SYNPR: variants seen among roughly 807,000 people sequenced by gnomAD.
SYNPR encodes the protein synaptoporin.
A neutral mutation model predicts 32.9 loss-of-function variants in SYNPR; 23 were observed. The ratio of observed to expected loss-of-function variants is 0.70; its 90% confidence interval spans 0.50 to 0.99. The LOEUF (loss-of-function observed/expected upper bound fraction) is 0.99, where lower values mean the gene tolerates loss of function less well. SYNPR is among the 50% of genes least tolerant of loss of function. The pLI, the probability that SYNPR is intolerant of heterozygous loss-of-function variation, is 0.00. For synonymous variants in SYNPR, 146 were observed against 135.9 expected (o/e 1.07, Z -0.52); for missense variants, 318 against 349.3 (o/e 0.91, Z 0.71).
upstream of SYNPR, among the ~76,000 whole-genome samples, chr3:63,227,156 G>A (rs759499530): frequency 1.3e-5 from 2 of 152,178 alleles, no homozygotes; most frequent in African/African-American, 4.8e-5. Context: ...TCCACTTTTG[G>A]GAGGGGCTAG....
intron 4 of SYNPR, among the ~76,000 whole-genome samples, chr3:63,566,972 T>C (rs755507470): frequency 2.0e-5 from 3 of 152,196 alleles, no homozygotes; most frequent in Non-Finnish European, 4.4e-5. Flanking sequence ...CACAAGTGGA[T>C]GGGTACACAC....
intron 2 of SYNPR, among the ~76,000 whole-genome samples, chr3:63,264,232 T>C (rs2086462260): frequency 6.6e-6 from 1 of 151,910 alleles, no homozygotes; most frequent in Non-Finnish European, 1.5e-5. Flanking sequence ...TTGAGAAAAA[T>C]ATAGGTAAAG....
chr3:63,445,382 C>G (rs1249342342), intron 2 of SYNPR, among the ~76,000 whole-genome samples: 1 of 152,100 alleles, frequency 6.6e-6, no homozygotes, highest in Non-Finnish European at 1.5e-5. Flanking sequence ...GAGTTAGAGC[C>G]AATGTGCACA....
chr3:63,514,836 T>C (rs1029891319), intron 3 of SYNPR, among the ~76,000 whole-genome samples: 1 of 152,104 alleles, frequency 6.6e-6, no homozygotes, highest in Admixed American at 6.6e-5. Flanking sequence ...GAGGTACTTG[T>C]TTTCTCGGCG....
chr3:63,428,708 G>A (rs747292821), intron 2 of SYNPR, among the ~76,000 whole-genome samples: 2 of 152,174 alleles, frequency 1.3e-5, no homozygotes, highest in Non-Finnish European at 1.5e-5. Flanking sequence ...GCTATTGGCT[G>A]GAACAACGGG....
chr3:63,311,750 T>C (rs2086966160), intron 2 of SYNPR, among the ~76,000 whole-genome samples: 1 of 152,054 alleles, frequency 6.6e-6, no homozygotes, highest in African/African-American at 2.4e-5. Flanking sequence ...ATATGAATAC[T>C]TAGAAGTATT....
At chr3:63,361,595 C>A (rs2087662004) in intron 2 of SYNPR, among the ~76,000 whole-genome samples, 1 of 114,968 alleles carries the variant, frequency 8.7e-6, no homozygotes, top group Admixed American at 9.5e-5. Flanking sequence ...GAGACTCTGT[C>A]TCCAAAAAAA....
At chr3:63,551,026 G>A (rs993554403) in intron 3 of SYNPR, among the ~76,000 whole-genome samples, 3 of 152,050 alleles carry the variant, frequency 2.0e-5, no homozygotes, top group Non-Finnish European at 4.4e-5. Context: ...AAGCTTTATC[G>A]GGACATAATT....
At position 63,261,472 on chromosome 3, in the gene SYNPR, A is replaced by G. The variant is rs898389377; in HGVS notation, n.155-5845A>G. Reference sequence around the variant, plus strand: ...TCAGTAAACTATTGCAAGAACAAAAAACCAAACACCGCATATTCTCACTCA... The same window carrying G: ...TCAGTAAACTATTGCAAGAACAAAAGACCAAACACCGCATATTCTCACTCA... On this transcript the variant is annotated intron_variant and non_coding_transcript_variant, in intron 2 of 4. Transcript: ENST00000478456. Among the ~76,000 whole-genome samples the G allele has an allele frequency of 2.0e-5, 3 of 150,536 alleles. No homozygotes were observed. In the Admixed American group the frequency reaches 2.0e-4, roughly 10 times the overall value.
chr3:63,548,844 T>C (rs1702455769), intron 3 of SYNPR, among the ~76,000 whole-genome samples: 2 of 152,190 alleles, frequency 1.3e-5, no homozygotes, highest in African/African-American at 4.8e-5. Flanking sequence ...GGACATGTCA[T>C]TTCTGTCTTG....
chr3:63,376,637 C>T (rs2087899439), intron 2 of SYNPR, among the ~76,000 whole-genome samples: 1 of 152,122 alleles, frequency 6.6e-6, no homozygotes, highest in Non-Finnish European at 1.5e-5. Context: ...CATTCTTTCA[C>T]AGAATGATTC....
At chr3:63,506,631 C>T (rs1210801684) in intron 3 of SYNPR, among the ~76,000 whole-genome samples, 5 of 152,108 alleles carry the variant, frequency 3.3e-5, no homozygotes, top group African/African-American at 1.2e-4. Context: ...TGGCATTTCC[C>T]AAACTCATTT....
chr3:63,257,731 A>G (rs2086398459), intron 2 of SYNPR, among the ~76,000 whole-genome samples: 1 of 152,210 alleles, frequency 6.6e-6, no homozygotes, highest in South Asian at 2.1e-4. Flanking sequence ...TTAACCTTAA[A>G]TGTAAATGGG....
intron 2 of SYNPR, among the ~76,000 whole-genome samples, chr3:63,426,267 T>G (rs1461830156): frequency 6.6e-6 from 1 of 152,230 alleles, no homozygotes; most frequent in African/African-American, 2.4e-5. Flanking sequence ...ATTCTTTTAA[T>G]CATTGTACCA....
At chr3:63,275,999 T>G (rs1391739446), upstream of SYNPR, among the ~76,000 whole-genome samples, 1 of 152,158 alleles carries the variant, frequency 6.6e-6, no homozygotes, top group Non-Finnish European at 1.5e-5. Context: ...AAGACCTAAA[T>G]TTTTCAGTTG....
chr3:63,549,400 C>G lies in SYNPR; in HGVS notation c.210-7143C>G, dbSNP rs543719966. ...TTTAAAGAAGAGAGGCAGGTATGCGCAGTACTTGCCAGTGTAGGCTCCTTC... is the reference window on the plus strand; with the variant it reads ...TTTAAAGAAGAGAGGCAGGTATGCGGAGTACTTGCCAGTGTAGGCTCCTTC... On this transcript the variant is annotated intron_variant, in intron 3 of 5. Coordinates refer to ENST00000478300, the MANE Select transcript of SYNPR (RefSeq NM_001130003.2). Among the ~76,000 whole-genome samples, 4 of 152,272 alleles carry G rather than the reference C, an allele frequency of 2.6e-5. No individual in the cohort carries two copies. In the South Asian group the frequency reaches 8.3e-4, roughly 32 times the overall value.
intron 2 of SYNPR, among the ~76,000 whole-genome samples, chr3:63,301,785 A>T (rs768760926): frequency 6.6e-6 from 1 of 152,044 alleles, no homozygotes; most frequent in African/African-American, 2.4e-5. Flanking sequence ...TATGACACTA[A>T]TTTGTGTCAC....
the SYNPR span, among the ~76,000 whole-genome samples, chr3:63,217,825 T>C: frequency 6.6e-6 from 1 of 152,062 alleles, no homozygotes; most frequent in Admixed American, 6.5e-5. Flanking sequence ...TGGGTAGAGT[T>C]CTCCAACTCC....
intron 2 of SYNPR, among the ~76,000 whole-genome samples, chr3:63,402,521 C>T (rs1043439732): frequency 5.3e-5 from 8 of 152,146 alleles, no homozygotes; most frequent in Admixed American, 1.3e-4. Flanking sequence ...GCTATTTCAT[C>T]GGGATTGACC....
Sources: gnomAD v4.1 joint callset for allele counts (sites outside exome capture counted in the v4.1 genomes callset) on GRCh38, gnomAD v4.1.1 for gene constraint, MANE v1.5 for transcripts, NCBI Gene and HGNC (gene_info 2026-07-23, HGNC 2026-07-21) for gene names.